Variants in ZNF101 observed in about 807,000 individuals in gnomAD.
ZNF101 encodes the protein zinc finger protein 101 (Y2).
ZNF101 carries 34 observed loss-of-function variants against 42.6 expected under a neutral mutation model. The observed-to-expected ratio is 0.80, with a 90% confidence interval of 0.61 to 1.06. The LOEUF is 1.06. ZNF101 is among the 50% of genes least tolerant of loss of function. ZNF101 has a pLI of 0.00. For missense variants in ZNF101, 466 were observed against 530.9 expected (o/e 0.88, Z 1.20); for synonymous variants, 158 against 183.9 (o/e 0.86, Z 1.14).
At chr19:19,674,257 AC>A in intron 1 of ZNF101, among the ~76,000 whole-genome samples, 1 of 152,042 alleles carries the variant, frequency 6.6e-6, no homozygotes, top group South Asian at 2.1e-4. Context: ...GCTCACTGCA[AC>A]CTCTGCCTCC....
At chr19:19,674,212 T>C (rs1339908982) in intron 1 of ZNF101, among the ~76,000 whole-genome samples, 1 of 152,154 alleles carries the variant, frequency 6.6e-6, no homozygotes, top group African/African-American at 2.4e-5. Context: ...AGTCTACCTC[T>C]GTTGCCCAGA....
Position 19,668,843 on chromosome 19 carries a change from G to C in ZNF101, c.-121G>C. 1.5e-6 allele frequency: 2 copies of C among 1,313,354 alleles called. No individual in the cohort carries two copies. The highest frequency in any genetic ancestry group is 2.0e-6 in the Non-Finnish European group (2 of 981,186). The allele number at this position is 1,313,354 out of a possible 1,614,324, so 81.4% of individuals were successfully genotyped here. A position where few individuals can be genotyped will look rare whatever the true frequency, so the allele number is the denominator to read the frequency against. ...CTCATTTCCCGCCGGCCCCCCATTCGGGTCCGGGTTTTAGTTCCTCGGGGA... is the reference window on the plus strand; with the variant it reads ...CTCATTTCCCGCCGGCCCCCCATTCCGGTCCGGGTTTTAGTTCCTCGGGGA... On this transcript the variant is annotated 5_prime_UTR_variant, in exon 1 of 4. Coordinates refer to ENST00000592502, the MANE Select transcript of ZNF101 (RefSeq NM_033204.4).
upstream of ZNF101, among the ~76,000 whole-genome samples, chr19:19,668,262 G>A (rs1041583910): frequency 6.6e-6 from 1 of 152,122 alleles, no homozygotes; most frequent in Non-Finnish European, 1.5e-5. Context: ...AGGCAGCCCC[G>A]CTTACAGACT....
At position 19,679,597 on chromosome 19, in the gene ZNF101, T is replaced by C. The variant is rs2062225106; in HGVS notation, c.608T>C (p.Val203Ala). Residue 203 changes from valine to alanine, a missense_variant, in exon 4 of 4, where the codon GTG (valine) becomes GCG (alanine). Transcript: ENST00000592502. ...GKRSYKCREIVRAFTVSSFFR... is the reference protein window; with the variant it reads ...GKRSYKCREIARAFTVSSFFR... ...AGGTCCTATAAATGTAGGGAAATAG[T>C]GAGAGCCTTCACAGTTTCCAGTTTC... 6.2e-7 allele frequency: 1 copy of C among 1,613,494 alleles called. No individual in the cohort carries two copies. The highest frequency in any genetic ancestry group is 1.1e-5 in the South Asian group (1 of 91,024).
At chr19:19,674,714 AAG>A (rs2062191544) in intron 1 of ZNF101, among the ~76,000 whole-genome samples, 2 of 152,092 alleles carry the variant, frequency 1.3e-5, no homozygotes, top group African/African-American at 4.8e-5. Context: ...TCAGTTTTGG[AAG>A]AGTTTGAGGA....
rs779027842 is a variant in ZNF101, at chr19:19,679,206, C to T, written c.217C>T (p.Arg73Cys). The T allele has an allele frequency of 9.3e-6, 15 of 1,613,520 alleles. No individual in the cohort carries two copies. Among genetic ancestry groups the T allele is most frequent in the African/African-American group, 5.3e-5 (4 of 74,872 alleles). Residue 73 changes from arginine to cysteine, a missense_variant, in exon 4 of 4, where the codon CGT (arginine) becomes TGT (cysteine). Arg to Cys is a radical substitution (Grantham distance 180, BLOSUM62 -3). Coordinates refer to ENST00000592502, the MANE Select transcript of ZNF101 (RefSeq NM_033204.4). ...LRSLVERLCG[R>C]KEGNEHRETF... ...AAGTCTGGTGGAGAGACTCTGTGGA[C>T]GTAAAGAAGGGAATGAACACAGAGA... is the stretch of plus-strand genomic sequence containing the variant.
In ZNF101 at chr19:19,679,357, C is replaced by T. The variant is rs929562377; in HGVS notation, c.368C>T (p.Ala123Val). The change falls in exon 4 of 4, where the codon GCT becomes GTT. Residue 123 changes from alanine (A) to valine (V), a missense_variant. Physicochemically the swap from Ala to Val is moderately conservative, Grantham distance 64. Coordinates refer to ENST00000592502, the MANE Select transcript of ZNF101 (RefSeq NM_033204.4). ...TCATTCCTGGACAGGCACATGAGAG[C>T]TCATGCTGGACACAAACGATCTGAG... Reference protein sequence around the residue: ...RHSFLDRHMRAHAGHKRSECG... With the variant: ...RHSFLDRHMRVHAGHKRSECG... 1.2e-6 allele frequency: 2 copies of T among 1,614,078 alleles called. No individual in the cohort carries two copies. Among genetic ancestry groups the T allele is most frequent in the Admixed American group, 1.7e-5 (1 of 59,990 alleles).
rs1307390620 is a variant in ZNF101 at position 19,683,191 on chromosome 19, C to CT, written c.*2894dup. 1 of 152,106 alleles carries CT rather than the reference C, an allele frequency of 6.6e-6. No individual in the cohort carries two copies. The highest frequency in any genetic ancestry group is 1.5e-5 in the Non-Finnish European group (1 of 68,028). The allele number at this position is 152,106 out of a possible 1,614,324, so 9.4% of individuals were successfully genotyped here. A position where few individuals can be genotyped will look rare whatever the true frequency, so the allele number is the denominator to read the frequency against. On this transcript the variant is annotated 3_prime_UTR_variant, in exon 4 of 4. Transcript: ENST00000592502. ...CACCCATCATATGTATTCCACTTTC[C>CT]TTTATTATGGGGAAAACTACTCTTT...
upstream of ZNF101, chr19:19,668,665 A>T: frequency 4.8e-6 from 2 of 419,708 alleles, no homozygotes. Flanking sequence ...CACCCCACAC[A>T]GCGAGCGGAT....
In ZNF101 at chr19:19,672,478, G is replaced by A. The variant is rs147390988; in HGVS notation, c.3+3512G>A. ...GGTCCTCCTGCGTCGGCCTCCCATAGTGTTGGGATTACAGGCGTGAACCAT... is the reference window on the plus strand; with the variant it reads ...GGTCCTCCTGCGTCGGCCTCCCATAATGTTGGGATTACAGGCGTGAACCAT... On this transcript the variant is annotated intron_variant, in intron 1 of 3. Coordinates refer to ENST00000592502, the MANE Select transcript of ZNF101 (RefSeq NM_033204.4). 5 of 152,024 alleles carry A rather than the reference G, an allele frequency of 3.3e-5. No homozygotes were observed. In the East Asian group the frequency reaches 9.7e-4, roughly 29 times the overall value. The allele number at this position is 152,024 out of a possible 1,614,324, so 9.4% of individuals were successfully genotyped here.
intron 1 of ZNF101, chr19:19,672,145 A>T (rs939352819): frequency 6.7e-6 from 1 of 148,306 alleles, no homozygotes; most frequent in African/African-American, 2.4e-5. Context: ...ATATATATTT[A>T]TAAATTTTAT....
In ZNF101 at chr19:19,668,967, G is replaced by A; in HGVS notation, c.3+1G>A. The A allele has an allele frequency of 6.3e-7, 1 of 1,589,176 alleles. No individual in the cohort carries two copies. On this transcript the variant is annotated splice_donor_variant, in intron 1 of 3. Coordinates refer to ENST00000592502, the MANE Select transcript of ZNF101 (RefSeq NM_033204.4). LOFTEE classifies it high-confidence loss of function. ...CCAGGACACCCGGAAGCCGGAAATG[G>A]TGAGCGTGCGGAGCCGGGCGTCCGG...
Position 19,683,042 on chromosome 19 carries a change from G to C in ZNF101, c.*2742G>C, listed in dbSNP as rs989839241. On this transcript the variant is annotated 3_prime_UTR_variant, in exon 4 of 4. Coordinates refer to ENST00000592502, the MANE Select transcript of ZNF101 (RefSeq NM_033204.4). ...GATGGTCTTGATTTCCTGACCTTGT[G>C]ATCCACCCCACCTTGGCCTCCCAAA... 8 of 152,030 alleles carry C rather than the reference G, an allele frequency of 5.3e-5. No individual in the cohort carries two copies. Among genetic ancestry groups the C allele is most frequent in the African/African-American group, 1.9e-4 (8 of 41,400 alleles). 9.4% of individuals were successfully genotyped at this position (152,030 alleles called of 1,614,324 possible). A position where few individuals can be genotyped will look rare whatever the true frequency, so the allele number is the denominator to read the frequency against.
At chr19:19,677,175 T>C (rs1457367278) in intron 1 of ZNF101, 1 of 152,328 alleles carries the variant, frequency 6.6e-6, no homozygotes, top group African/African-American at 2.4e-5. Flanking sequence ...TCTCTCTTGG[T>C]ATAACCACAT....
intron 1 of ZNF101, among the ~76,000 whole-genome samples, chr19:19,673,319 G>A (rs1242038406): frequency 2.1e-5 from 3 of 143,158 alleles, no homozygotes; most frequent in African/African-American, 7.9e-5. Flanking sequence ...GCATGATCTC[G>A]GCTCACTGCA....
chr19:19,672,133 TTATA>T (rs993780164), intron 1 of ZNF101: 1 of 148,256 alleles, frequency 6.7e-6, no homozygotes, highest in Non-Finnish European at 1.5e-5. Context: ...AGTTGTATGA[TTATA>T]TATATTTATA....
intron 2 of ZNF101, among the ~76,000 whole-genome samples, chr19:19,678,333 T>G (rs2062215612): frequency 6.6e-6 from 1 of 151,694 alleles, no homozygotes; most frequent in Non-Finnish European, 1.5e-5. Flanking sequence ...TGCAGAAGTA[T>G]TGCTGGGTGT....
chr19:19,673,990 C>T (rs1190795743), intron 1 of ZNF101, among the ~76,000 whole-genome samples: 1 of 151,644 alleles, frequency 6.6e-6, no homozygotes. Context: ...GACGGGGTTT[C>T]ACCATCTTGG....
In ZNF101 at chr19:19,679,981, C is replaced by G; in HGVS notation, c.992C>G (p.Ala331Gly). The G allele has an allele frequency of 6.2e-7, 1 of 1,613,938 alleles. No individual in the cohort carries two copies. ...ACGTCCCTTCAAGCACATGAAAGAG[C>G]TCACACTGGAGAAAGACCTTATGAA... ...CPTSLQAHERAHTGERPYECN... is the reference protein window; with the variant it reads ...CPTSLQAHERGHTGERPYECN... The change falls in exon 4 of 4, where the codon GCT becomes GGT. Residue 331 changes from alanine to glycine, a missense_variant. By Grantham distance (60) the Ala-to-Gly change is moderately conservative (BLOSUM62 0). Coordinates refer to ENST00000592502, the MANE Select transcript of ZNF101 (RefSeq NM_033204.4).
Sources: gnomAD v4.1 joint callset for allele counts (sites outside exome capture counted in the v4.1 genomes callset) on GRCh38, gnomAD v4.1.1 for gene constraint, MANE v1.5 for transcripts, NCBI Gene and HGNC (gene_info 2026-07-23, HGNC 2026-07-21) for gene names.